TBCK: variants seen among roughly 807,000 people sequenced by gnomAD.
TBCK encodes the protein TBC domain-containing protein kinase-like protein.
In TBCK, 99 loss-of-function variants were observed where a neutral mutation model predicts 113.4. The observed-to-expected ratio is 0.87, with a 90% confidence interval of 0.74 to 1.03. TBCK has a LOEUF of 1.03. TBCK is among the 50% of genes least tolerant of loss of function. The probability of loss-of-function intolerance (pLI) is 0.00; values close to 1 mark genes in which losing one functional copy is unlikely to be tolerated. For missense variants in TBCK, 1,045 were observed against 1,061.3 expected, an observed-to-expected ratio of 0.98 and a Z score of 0.21; for synonymous variants, 369 against 370.8, an observed-to-expected ratio of 1.00 and a Z score of 0.05.
rs1250659941 is a variant in TBCK at position 106,137,174 on chromosome 4, G to A, written c.2236-20796C>T. On this transcript the variant is annotated intron_variant, in intron 23 of 25. Transcript: ENST00000394708. ...GGTTAGAATATCATATTCTTGGAAT[G>A]ATCAGCATAGAAATTGCAGTTTAGG... 2.1e-5 allele frequency among the ~76,000 whole-genome samples: 3 copies of A among 139,832 alleles called. 1 individual carries two copies. The highest frequency in any genetic ancestry group is 4.9e-5 in the Non-Finnish European group (3 of 61,542). 91.7% of individuals were successfully genotyped at this position (139,832 alleles called of 152,430 possible). A position where few individuals can be genotyped will look rare whatever the true frequency, so the allele number is the denominator to read the frequency against.
At chr4:106,177,133 G>GTC (rs1336456310) in intron 22 of TBCK, among the ~76,000 whole-genome samples, 1 of 151,694 alleles carries the variant, frequency 6.6e-6, no homozygotes, top group Non-Finnish European at 1.5e-5. Context: ...CATCACATCT[G>GTC]TCTCTATGTC....
chr4:106,158,232 T>A (rs900606625), intron 23 of TBCK, among the ~76,000 whole-genome samples: 1 of 152,002 alleles, frequency 6.6e-6, no homozygotes, highest in African/African-American at 2.4e-5. Context: ...TAAATGAGAA[T>A]GGATGCAGAG....
At chr4:106,125,118 T>C (rs1745018965) in intron 23 of TBCK, among the ~76,000 whole-genome samples, 1 of 152,002 alleles carries the variant, frequency 6.6e-6, no homozygotes, top group South Asian at 2.1e-4. Context: ...GCTAGTACAC[T>C]GTTGGTGGGA....
chr4:106,249,826 A>C (rs1431159426), intron 7 of TBCK, among the ~76,000 whole-genome samples: 2 of 152,010 alleles, frequency 1.3e-5, no homozygotes, highest in Non-Finnish European at 2.9e-5. Flanking sequence ...CTTATTTGTA[A>C]ATGTTTTTAA....
rs1763944720 is a variant in TBCK at position 106,275,641 on chromosome 4, T to C, written c.267-13429A>G. 1.3e-5 allele frequency among the ~76,000 whole-genome samples: 2 copies of C among 152,004 alleles called. 1 individual carries two copies. Among genetic ancestry groups the C allele is most frequent in the African/African-American group, 4.8e-5 (2 of 41,400 alleles). ...ATTTCTATATATTAGCAGCAAACAA[T>C]TGGAAAATAAAACTAAATTTTACCT... On this transcript the variant is annotated intron_variant, in intron 3 of 25. Coordinates refer to ENST00000394708, the MANE Select transcript of TBCK (RefSeq NM_001163435.3).
At chr4:106,255,639 AG>A (rs1761907401) in intron 5 of TBCK, among the ~76,000 whole-genome samples, 1 of 152,012 alleles carries the variant, frequency 6.6e-6, no homozygotes, top group Non-Finnish European at 1.5e-5. Flanking sequence ...GAAAGTTCCT[AG>A]GTCTGGGCTC....
In TBCK at chr4:106,171,276, T is replaced by C. The variant is rs200076666; in HGVS notation, c.2060-6A>G. On this transcript the variant is annotated splice_polypyrimidine_tract_variant and splice_region_variant and intron_variant, in intron 22 of 25. Transcript: ENST00000394708. ...ACAGCGTTCAATGTCAATTTCTAGATAGAAATGTTTTAAAAAAGCAAATGT... is the reference window on the plus strand; with the variant it reads ...ACAGCGTTCAATGTCAATTTCTAGACAGAAATGTTTTAAAAAAGCAAATGT... 203 of 1,595,568 alleles carry C rather than the reference T, an allele frequency of 1.3e-4. No homozygotes were observed. The African/African-American group carries it at 2.6e-3, about 20-fold the overall frequency.
At chr4:106,120,089 GC>G (rs1744079626) in intron 23 of TBCK, among the ~76,000 whole-genome samples, 1 of 152,154 alleles carries the variant, frequency 6.6e-6, no homozygotes, top group Admixed American at 6.5e-5. Context: ...CAGACAGTGG[GC>G]GCAGGTAAAT....
chr4:106,068,055 A>G (rs2149471315), intron 25 of TBCK, among the ~76,000 whole-genome samples: 1 of 152,334 alleles, frequency 6.6e-6, no homozygotes, highest in African/African-American at 2.4e-5. Flanking sequence ...CATGGAAGTT[A>G]CACATTGTTT....
intron 4 of TBCK, among the ~76,000 whole-genome samples, chr4:106,260,779 T>G (rs1441762157): frequency 2.6e-5 from 4 of 151,960 alleles, no homozygotes; most frequent in Non-Finnish European, 5.9e-5. Context: ...TCTTTAATAT[T>G]TTTGCTGTTA....
chr4:106,300,558 T>C (rs1766833789), intron 2 of TBCK, among the ~76,000 whole-genome samples: 1 of 152,248 alleles, frequency 6.6e-6, no homozygotes, highest in African/African-American at 2.4e-5. Flanking sequence ...TAAGTGTTTA[T>C]ACAGTTCAAA....
intron 22 of TBCK, among the ~76,000 whole-genome samples, chr4:106,193,342 G>T (rs1753859485): frequency 6.6e-6 from 1 of 152,064 alleles, no homozygotes; most frequent in Non-Finnish European, 1.5e-5. Flanking sequence ...ATATGATATT[G>T]CCCCCAACTT....
chr4:106,231,935 GGAGT>G (rs1579330774), intron 17 of TBCK, among the ~76,000 whole-genome samples, 156 bp from the exon 18 acceptor site: 2 of 151,774 alleles, frequency 1.3e-5, no homozygotes, highest in East Asian at 3.9e-4. Context: ...GTTACTGTGG[GGAGT>G]GAGTGATAGT....
At chr4:106,175,614 T>C (rs1751577842) in intron 22 of TBCK, among the ~76,000 whole-genome samples, 1 of 152,094 alleles carries the variant, frequency 6.6e-6, no homozygotes, top group Admixed American at 6.6e-5. Context: ...CTATTGGCTC[T>C]GAGTCTCAAG....
chr4:106,127,470 C>T (rs1286326755), intron 23 of TBCK, among the ~76,000 whole-genome samples: 1 of 151,974 alleles, frequency 6.6e-6, no homozygotes, highest in African/African-American at 2.4e-5. Flanking sequence ...TTTTCTTTCT[C>T]ATTTTTAATC....
chr4:106,143,910 G>A (rs1288921394), intron 23 of TBCK, among the ~76,000 whole-genome samples: 2 of 137,972 alleles, frequency 1.4e-5, no homozygotes, highest in African/African-American at 5.2e-5. Context: ...GCGAAACTCT[G>A]TCTAAAAAAA....
intron 23 of TBCK, among the ~76,000 whole-genome samples, chr4:106,163,795 A>G (rs1289245815): frequency 6.6e-6 from 1 of 152,092 alleles, no homozygotes; most frequent in African/African-American, 2.4e-5. Flanking sequence ...AATTACTACA[A>G]TTCAAGATCA....
chr4:106,224,919 C>T (rs542713687), intron 19 of TBCK, among the ~76,000 whole-genome samples: 1 of 152,146 alleles, frequency 6.6e-6, no homozygotes, highest in South Asian at 2.1e-4. Context: ...TTTGCTACCA[C>T]ACACAAGAAA....
intron 24 of TBCK, among the ~76,000 whole-genome samples, chr4:106,098,284 C>A (rs377238648): frequency 6.6e-6 from 1 of 151,982 alleles, no homozygotes; most frequent in African/African-American, 2.4e-5. Flanking sequence ...GAGTGTAATA[C>A]TCAACAGTCA....
Sources: allele counts gnomAD v4.1 joint callset (sites outside exome capture counted in the v4.1 genomes callset), GRCh38; gene constraint gnomAD v4.1.1; transcripts MANE v1.5; gene names NCBI Gene and HGNC (gene_info 2026-07-23, HGNC 2026-07-21).